Variants in DNAAF9 observed in about 807,000 individuals in gnomAD.
DNAAF9 encodes dynein axonemal assembly factor 9.
Under a neutral mutation model 167.0 loss-of-function variants are expected in DNAAF9, and 90 were observed. The ratio of observed to expected loss-of-function variants is 0.54; its 90% confidence interval spans 0.45 to 0.64. DNAAF9 has a LOEUF of 0.64. Ranked by LOEUF, DNAAF9 falls within the 30% of genes least tolerant of loss-of-function variation. The pLI, the probability that DNAAF9 is intolerant of heterozygous loss-of-function variation, is 0.00. For missense variants in DNAAF9, 1,315 were observed against 1,442.2 expected, an observed-to-expected ratio of 0.91 and a Z score of 1.43; for synonymous variants, 491 against 508.8, an observed-to-expected ratio of 0.96 and a Z score of 0.47.
intron 20 of DNAAF9, among the ~76,000 whole-genome samples, chr20:3,307,726 T>C (rs1463932306): frequency 6.6e-6 from 1 of 152,084 alleles, no homozygotes; most frequent in Non-Finnish European, 1.5e-5. Context: ...TTGAGCTCTG[T>C]ATCCCTGGAA....
chr20:3,259,659 G>A (rs186046250), intron 32 of DNAAF9, 105 bp from the exon 33 acceptor site: 6 of 801,782 alleles, frequency 7.5e-6, no homozygotes, highest in South Asian at 5.8e-5. Flanking sequence ...CATACACCAG[G>A]GTCTAGGGTT....
chr20:3,363,763 T>A (rs1297670880), intron 6 of DNAAF9, among the ~76,000 whole-genome samples: 2 of 152,154 alleles, frequency 1.3e-5, no homozygotes, highest in African/African-American at 4.8e-5. Context: ...GACTTTGGAT[T>A]CTTTATTTTC....
chr20:3,392,352 T>C (rs1464316954), intron 1 of DNAAF9, among the ~76,000 whole-genome samples: 2 of 152,196 alleles, frequency 1.3e-5, no homozygotes, highest in Non-Finnish European at 2.9e-5. Context: ...TTTCATATTA[T>C]AACTTATTTC....
intron 7 of DNAAF9, among the ~76,000 whole-genome samples, chr20:3,353,515 C>G (rs1418010547): frequency 6.6e-6 from 1 of 151,818 alleles, no homozygotes; most frequent in African/African-American, 2.4e-5. Flanking sequence ...GCAGTCCCAG[C>G]CTCTAGGGAA....
intron 7 of DNAAF9, among the ~76,000 whole-genome samples, chr20:3,352,846 T>TATATATA (rs2070350765): frequency 2.0e-5 from 3 of 146,706 alleles, no homozygotes; most frequent in Non-Finnish European, 3.0e-5. Context: ...TTCAAAATAT[T>TATATATA]TATATATATA....
At chr20:3,295,031 A>G (rs368944939) in intron 23 of DNAAF9, among the ~76,000 whole-genome samples, 2 of 151,026 alleles carry the variant, frequency 1.3e-5, no homozygotes, top group Non-Finnish European at 2.9e-5. Flanking sequence ...ACGCCCAACT[A>G]ATTTTGTGTT....
intron 3 of DNAAF9, among the ~76,000 whole-genome samples, chr20:3,380,451 A>C (rs1049007413): frequency 1.3e-5 from 2 of 152,230 alleles, no homozygotes; most frequent in African/African-American, 4.8e-5. Context: ...AGTTTAGATC[A>C]GTGAATTCCT....
At chr20:3,296,159 G>C in intron 23 of DNAAF9, 1 of 601,916 alleles carries the variant, frequency 1.7e-6, no homozygotes. Flanking sequence ...AACCTCTGTA[G>C]TCCCACCTGC....
intron 31 of DNAAF9, among the ~76,000 whole-genome samples, chr20:3,263,031 G>A (rs1455337602): frequency 2.2e-5 from 3 of 137,346 alleles, no homozygotes; most frequent in African/African-American, 8.2e-5. Flanking sequence ...CTGGAGTGCA[G>A]TGGCGTGATC....
At chr20:3,372,216 C>CTG (rs2083519610) in intron 6 of DNAAF9, among the ~76,000 whole-genome samples, 4 of 152,200 alleles carry the variant, frequency 2.6e-5, no homozygotes, top group Admixed American at 2.6e-4. Flanking sequence ...GTCATCAGGC[C>CTG]ATCAGAGTGG....
chr20:3,335,713 T>A (rs1229435427), intron 10 of DNAAF9, among the ~76,000 whole-genome samples: 96 of 119,588 alleles, frequency 8.0e-4, no homozygotes, highest in Admixed American at 1.6e-3. Context: ...GCCGAGATCA[T>A]GCCACTGCAC....
rs147306877 is a variant in DNAAF9 at position 3,406,057 on chromosome 20, CAATT to C, written c.83+1414_83+1417del. On this transcript the variant is annotated intron_variant, in intron 1 of 36. Coordinates refer to ENST00000252032, the MANE Select transcript of DNAAF9 (RefSeq NM_001009984.3). ...AAAATGTCACCTGACAGATTCGAAG[CAATT>C]TAGGACTCCTAAATGCAATGTTTCA... Among the ~76,000 whole-genome samples, 696 of 152,296 alleles carry C rather than the reference CAATT, an allele frequency of 4.6e-3. 3 individuals are homozygous for C. The highest frequency in any genetic ancestry group is 0.016 in the African/African-American group (661 of 41,556).
chr20:3,274,435 G>A lies in DNAAF9; in HGVS notation c.2651-3873C>T, dbSNP rs144257803. On this transcript the variant is annotated intron_variant, in intron 29 of 36. Coordinates refer to ENST00000252032, the MANE Select transcript of DNAAF9 (RefSeq NM_001009984.3). ...TGGGAATGCAGGTGTGAGCCACTGC[G>A]CCTGGCCTGGACTTAGATTATTTAT... is the stretch of plus-strand genomic sequence containing the variant. Among the ~76,000 whole-genome samples the A allele has an allele frequency of 2.6e-3, 401 of 152,274 alleles. 4 individuals carry two copies. Among genetic ancestry groups the A allele is most frequent in the East Asian group, 0.018 (91 of 5,180 alleles).
intron 20 of DNAAF9, 52 bp downstream of exon 20, chr20:3,314,981 G>T: frequency 1.1e-6 from 1 of 944,894 alleles, no homozygotes; most frequent in Non-Finnish European, 1.7e-6. Flanking sequence ...GCTGACATCT[G>T]CAAATGAGGG....
chr20:3,389,983 C>T (rs1342723488), intron 1 of DNAAF9, among the ~76,000 whole-genome samples: 1 of 151,442 alleles, frequency 6.6e-6, no homozygotes, highest in Non-Finnish European at 1.5e-5. Context: ...CTGCAGTGAG[C>T]CAAGATCACG....
chr20:3,265,463 A>T (rs1428546130), intron 30 of DNAAF9, among the ~76,000 whole-genome samples: 1 of 149,152 alleles, frequency 6.7e-6, no homozygotes, highest in South Asian at 2.2e-4. Context: ...GCTACTTAGG[A>T]GGCCGAGGCA....
intron 30 of DNAAF9, among the ~76,000 whole-genome samples, chr20:3,268,202 G>T (rs2068522654): frequency 6.6e-6 from 1 of 151,418 alleles, no homozygotes; most frequent in South Asian, 2.1e-4. Flanking sequence ...CCAATTTTTT[G>T]TATTTTTAGT....
At chr20:3,292,432 G>C (rs2068975545) in intron 25 of DNAAF9, among the ~76,000 whole-genome samples, 1 of 152,136 alleles carries the variant, frequency 6.6e-6, no homozygotes, top group Non-Finnish European at 1.5e-5. Flanking sequence ...GTATCTTCTA[G>C]ACTTGCATGG....
At chr20:3,353,392 G>C (rs9789821) in intron 7 of DNAAF9, among the ~76,000 whole-genome samples, 1 of 151,678 alleles carries the variant, frequency 6.6e-6, no homozygotes, top group African/African-American at 2.4e-5. Context: ...ATCCACTTTG[G>C]GAGTGGGCAG....
Sources: gnomAD v4.1 joint callset for allele counts (sites outside exome capture counted in the v4.1 genomes callset) on GRCh38, gnomAD v4.1.1 for gene constraint, MANE v1.5 for transcripts, NCBI Gene and HGNC (gene_info 2026-07-23, HGNC 2026-07-21) for gene names.